The following BEND7 variants were observed in gnomAD, a reference collection of about 807,000 sequenced individuals.
BEND7 encodes the protein BEN domain containing 7.
In BEND7, 28 loss-of-function variants were observed where a neutral mutation model predicts 50.9. The observed-to-expected ratio is 0.55, with a 90% CI of 0.41 to 0.75. The LOEUF (loss-of-function observed/expected upper bound fraction) is 0.75. Among genes scored for constraint, BEND7 ranks in the 30% least tolerant of loss-of-function variants. The probability of loss-of-function intolerance (pLI) is 0.00; values close to 1 mark genes in which losing one functional copy is unlikely to be tolerated. For synonymous variants in BEND7, 170 were observed against 183.9 expected (o/e 0.92, Z 0.61); for missense variants, 477 against 491.3 (o/e 0.97, Z 0.28).
At chr10:13,477,698 C>G (rs1300613942) in intron 6 of BEND7, among the ~76,000 whole-genome samples, 1 of 152,194 alleles carries the variant, frequency 6.6e-6, no homozygotes, top group Non-Finnish European at 1.5e-5. Context: ...ATTTTATTAA[C>G]TGTTAAAAAT....
intron 6 of BEND7, among the ~76,000 whole-genome samples, chr10:13,471,930 A>T (rs1191428615): frequency 6.6e-6 from 1 of 152,072 alleles, no homozygotes; most frequent in Admixed American, 6.5e-5. Context: ...TCACTGTTAG[A>T]CTCGGGGTCG....
At chr10:13,485,109 G>C (rs955182770) in intron 5 of BEND7, among the ~76,000 whole-genome samples, 17 of 152,104 alleles carry the variant, frequency 1.1e-4, no homozygotes, top group African/African-American at 4.1e-4. Flanking sequence ...CCTCTGCCCC[G>C]TTAGGCTCCC....
chr10:13,453,287 A>G (rs7092954), intron 6 of BEND7, among the ~76,000 whole-genome samples: 47,326 of 152,056 alleles, frequency 0.31, 8,646 homozygotes, highest in East Asian at 0.68. Context: ...GGCTATGCAC[A>G]GTGTGTGGCC....
chr10:13,512,571 C>T (rs1564402143), intron 2 of BEND7, among the ~76,000 whole-genome samples: 1 of 152,208 alleles, frequency 6.6e-6, no homozygotes, highest in Non-Finnish European at 1.5e-5. Flanking sequence ...TGATCCTCTG[C>T]TCTCCTGTAC....
At chr10:13,473,241 C>G (rs922481228) in intron 6 of BEND7, among the ~76,000 whole-genome samples, 1 of 150,488 alleles carries the variant, frequency 6.6e-6, no homozygotes, top group Admixed American at 6.6e-5. Context: ...GGGCCGATAT[C>G]TGTCATCGCT....
At chr10:13,439,513 ATGAG>A (rs769595034), downstream of BEND7, 110 of 1,576,190 alleles carry the variant, frequency 7.0e-5, no homozygotes, top group Non-Finnish European at 8.6e-5. Flanking sequence ...GAATGAATGA[ATGAG>A]TGAATGAATG....
intron 2 of BEND7, among the ~76,000 whole-genome samples, chr10:13,504,878 T>C (rs144872534): frequency 5.1e-4 from 78 of 152,290 alleles, no homozygotes; most frequent in South Asian, 2.1e-4. Context: ...ATTTCAAGAC[T>C]CTACTAGATC....
chr10:13,510,906 A>G (rs979681983), intron 2 of BEND7, among the ~76,000 whole-genome samples: 10 of 152,036 alleles, frequency 6.6e-5, no homozygotes, highest in African/African-American at 2.4e-4. Context: ...GGCCGGGCAC[A>G]GTGGCTCACG....
At chr10:13,524,937 A>G (rs1024400458) in intron 2 of BEND7, among the ~76,000 whole-genome samples, 4 of 152,060 alleles carry the variant, frequency 2.6e-5, no homozygotes, top group Admixed American at 1.3e-4. Flanking sequence ...CTTCTTCCCA[A>G]TGCATCCCGA....
chr10:13,490,642 C>T (rs191730392), intron 5 of BEND7, among the ~76,000 whole-genome samples: 7 of 152,324 alleles, frequency 4.6e-5, no homozygotes, highest in African/African-American at 1.4e-4. Flanking sequence ...CACAATTCTT[C>T]CTTTACTGGA....
chr10:13,493,137 A>G (rs1564358542), intron 4 of BEND7, among the ~76,000 whole-genome samples: 1 of 152,256 alleles, frequency 6.6e-6, no homozygotes, highest in African/African-American at 2.4e-5. Flanking sequence ...GTTGGGTTCA[A>G]TGCAGGGAAA....
intron 6 of BEND7, chr10:13,459,712 G>C (rs1308398224): frequency 6.6e-6 from 1 of 152,222 alleles, no homozygotes. Context: ...ATACTTGGTT[G>C]ATACATCAAC....
chr10:13,463,803 G>T (rs535964957), intron 6 of BEND7, among the ~76,000 whole-genome samples: 1 of 152,162 alleles, frequency 6.6e-6, no homozygotes, highest in Non-Finnish European at 1.5e-5. Context: ...AAAATAAGGG[G>T]TGATACTTGA....
chr10:13,517,115 A>G (rs1439851568), intron 2 of BEND7, among the ~76,000 whole-genome samples: 9 of 139,640 alleles, frequency 6.4e-5, no homozygotes, highest in Non-Finnish European at 9.1e-5. Flanking sequence ...CCCAGGCTGG[A>G]GTGCAATGGT....
In BEND7 at chr10:13,450,963, G is replaced by A. The variant is rs74122735; in HGVS notation, c.1183+1576C>T. Among the ~76,000 whole-genome samples the A allele has an allele frequency of 7.6e-3, 1,158 of 152,154 alleles. 15 individuals are homozygous for A. Among genetic ancestry groups the A allele is most frequent in the African/African-American group, 0.027 (1,102 of 41,490 alleles). ...GTGGCGGCACATCCCTACTGCATGC[G>A]TGCCTGCTTGCTGGTGGGACAGGGG... On this transcript the variant is annotated intron_variant, in intron 7 of 8. Coordinates refer to ENST00000466271, the MANE Select transcript of BEND7 (RefSeq NM_001369863.1).
At chr10:13,510,156 T>A (rs1224309743) in intron 2 of BEND7, among the ~76,000 whole-genome samples, 2 of 151,958 alleles carry the variant, frequency 1.3e-5, no homozygotes, top group Non-Finnish European at 2.9e-5. Flanking sequence ...ATACTAATGA[T>A]GGAAAAATGG....
intron 6 of BEND7, among the ~76,000 whole-genome samples, chr10:13,457,647 G>A (rs1296841595): frequency 6.6e-6 from 1 of 152,178 alleles, no homozygotes; most frequent in Non-Finnish European, 1.5e-5. Context: ...TAGCAGATGA[G>A]GCCTCAAGGA....
At chr10:13,462,705 A>G (rs1840457410) in intron 6 of BEND7, among the ~76,000 whole-genome samples, 1 of 152,198 alleles carries the variant, frequency 6.6e-6, no homozygotes, top group African/African-American at 2.4e-5. Flanking sequence ...ACACTAATAG[A>G]TGTTTCAGAG....
chr10:13,479,912 A>G (rs2075735695), intron 6 of BEND7, among the ~76,000 whole-genome samples: 1 of 152,196 alleles, frequency 6.6e-6, no homozygotes, highest in African/African-American at 2.4e-5. Context: ...TCCTTTAAAC[A>G]CTACTGAATT....
Sources: allele counts gnomAD v4.1 joint callset (sites outside exome capture counted in the v4.1 genomes callset), GRCh38; gene constraint gnomAD v4.1.1; transcripts MANE v1.5; gene names NCBI Gene and HGNC (gene_info 2026-07-23, HGNC 2026-07-21).